SKAP2: variants seen among roughly 807,000 people sequenced by gnomAD.
The protein encoded by SKAP2 is src kinase-associated phosphoprotein 2.
SKAP2 carries 28 observed loss-of-function variants against 54.9 expected under a neutral mutation model. The observed-to-expected ratio is 0.51, with a 90% CI of 0.38 to 0.70. SKAP2 has a LOEUF of 0.70. Ranked by LOEUF, SKAP2 falls within the 30% of genes least tolerant of loss-of-function variation. The pLI is 0.00. For missense variants in SKAP2, 356 were observed against 424.1 expected (o/e 0.84, Z 1.41); for synonymous variants, 137 against 134.3 (o/e 1.02, Z -0.14).
chr7:26,824,920 GT>G (rs764632186), intron 4 of SKAP2, among the ~76,000 whole-genome samples: 4 of 152,066 alleles, frequency 2.6e-5, no homozygotes, highest in Non-Finnish European at 5.9e-5. Context: ...ACCTATGTTG[GT>G]GGATGTTTTC....
At chr7:26,727,550 A>T (rs1432501450) in intron 6 of SKAP2, among the ~76,000 whole-genome samples, 5 of 152,160 alleles carry the variant, frequency 3.3e-5, no homozygotes, top group African/African-American at 1.2e-4. Flanking sequence ...GACGAAAAAG[A>T]TGTGAAGGAA....
At chr7:26,830,865 C>A (rs1046867490) in intron 4 of SKAP2, among the ~76,000 whole-genome samples, 4 of 152,016 alleles carry the variant, frequency 2.6e-5, no homozygotes, top group Non-Finnish European at 2.9e-5. Context: ...TGCCCTAATC[C>A]TCTCTGGGCT....
In SKAP2 at chr7:26,737,491, C is replaced by G. The variant is rs1253997396; in HGVS notation, c.469+1304G>C. ...AACTTCCAGCATTATGTAAGTATTT[C>G]AGACTTATCTGAAATATGACAATCT... On this transcript the variant is annotated intron_variant, in intron 6 of 12. Transcript: ENST00000345317. Among the ~76,000 whole-genome samples the G allele has an allele frequency of 1.6e-4, 25 of 152,120 alleles. 1 individual carries two copies. Among genetic ancestry groups the G allele is most frequent in the Admixed American group, 1.6e-3 (25 of 15,270 alleles).
chr7:26,810,843 G>A (rs1784127549), intron 4 of SKAP2, among the ~76,000 whole-genome samples: 1 of 152,064 alleles, frequency 6.6e-6, no homozygotes, highest in South Asian at 2.1e-4. Context: ...CACCATGCCT[G>A]GCTAATTTTT....
chr7:26,715,217 A>G (rs1787403157), intron 9 of SKAP2, among the ~76,000 whole-genome samples: 1 of 152,054 alleles, frequency 6.6e-6, no homozygotes, highest in African/African-American at 2.4e-5. Context: ...TTTAATATGT[A>G]TTCTATTGGT....
intron 4 of SKAP2, among the ~76,000 whole-genome samples, chr7:26,810,932 G>A (rs568151888): frequency 2.9e-4 from 44 of 152,010 alleles, no homozygotes; most frequent in African/African-American, 1.0e-3. Flanking sequence ...CGCGCACCTC[G>A]GCCTCCCAAA....
At chr7:26,846,006 C>T (rs1784914264) in intron 3 of SKAP2, among the ~76,000 whole-genome samples, 3 of 152,088 alleles carry the variant, frequency 2.0e-5, no homozygotes, top group South Asian at 4.1e-4. Flanking sequence ...TCATAAAGTG[C>T]TAGTAAACAT....
intron 9 of SKAP2, among the ~76,000 whole-genome samples, chr7:26,706,858 T>A (rs1308477606): frequency 6.6e-6 from 1 of 152,234 alleles, no homozygotes; most frequent in Non-Finnish European, 1.5e-5. Context: ...TGCAAATATG[T>A]ATTAGTCTTA....
intron 4 of SKAP2, among the ~76,000 whole-genome samples, chr7:26,796,309 C>T (rs1038926266): frequency 2.7e-5 from 4 of 148,298 alleles, no homozygotes; most frequent in Admixed American, 6.8e-5. Flanking sequence ...TTGAGTGTTA[C>T]GAAAATCTGC....
intron 4 of SKAP2, among the ~76,000 whole-genome samples, chr7:26,762,348 A>T (rs1782951180): frequency 6.6e-6 from 1 of 152,128 alleles, no homozygotes; most frequent in African/African-American, 2.4e-5. Context: ...TCATATGGAA[A>T]TCTTTTTGTT....
At chr7:26,760,766 C>G (rs1379510301) in intron 4 of SKAP2, among the ~76,000 whole-genome samples, 2 of 152,118 alleles carry the variant, frequency 1.3e-5, no homozygotes, top group African/African-American at 4.8e-5. Flanking sequence ...GGTGGAATAT[C>G]AACCAAGCGA....
intron 3 of SKAP2, among the ~76,000 whole-genome samples, chr7:26,851,556 G>A (rs1186894862): frequency 6.6e-6 from 1 of 151,912 alleles, no homozygotes; most frequent in Non-Finnish European, 1.5e-5. Flanking sequence ...TCACACACCG[G>A]TGCCTGTTGA....
At chr7:26,839,274 T>C (rs1428119811) in intron 4 of SKAP2, among the ~76,000 whole-genome samples, 1 of 152,138 alleles carries the variant, frequency 6.6e-6, no homozygotes, top group Non-Finnish European at 1.5e-5. Context: ...ATTAAAAATA[T>C]GTCCTCTACT....
chr7:26,844,138 CTGTT>C lies in SKAP2; in HGVS notation c.200-5_200-2del. 6.4e-7 allele frequency: 1 copy of C among 1,558,488 alleles called. No individual in the cohort carries two copies. Among genetic ancestry groups the C allele is most frequent in the Admixed American group, 1.7e-5 (1 of 57,170 alleles). On this transcript the variant is annotated splice_acceptor_variant and splice_polypyrimidine_tract_variant and intron_variant, in intron 3 of 12. Transcript: ENST00000345317. LOFTEE classifies it high-confidence loss of function. ...TATTCTTCCCCATCTTCTGCATCACCTGTTAAAAAAAAAAAAAATCAGAGAACTG... is the reference window on the plus strand; with the variant it reads ...TATTCTTCCCCATCTTCTGCATCACCAAAAAAAAAAAAAATCAGAGAACTG...
chr7:26,828,670 C>G (rs1280500201), intron 4 of SKAP2, among the ~76,000 whole-genome samples: 29 of 136,814 alleles, frequency 2.1e-4, no homozygotes, highest in Admixed American at 1.1e-3. Flanking sequence ...GAGTGAGACT[C>G]TGTCTCAAAA....
chr7:26,818,931 G>A (rs943384070), intron 4 of SKAP2, among the ~76,000 whole-genome samples: 2 of 152,186 alleles, frequency 1.3e-5, no homozygotes, highest in African/African-American at 4.8e-5. Context: ...GACAGATGCT[G>A]GAGAGGATAT....
intron 1 of SKAP2, chr7:26,857,316 A>AAAAAAAAAAAAAAAAAAAAAAC (rs1164870236): frequency 4.6e-6 from 1 of 219,610 alleles, no homozygotes; most frequent in Non-Finnish European, 7.5e-6. Flanking sequence ...TGCTTAAAAA[A>AAAAAAAAAAAAAAAAAAAAAAC]AAAAAAAAAA....
At chr7:26,791,065 T>G (rs981845638) in intron 4 of SKAP2, among the ~76,000 whole-genome samples, 3 of 152,052 alleles carry the variant, frequency 2.0e-5, no homozygotes, top group Admixed American at 2.0e-4. Flanking sequence ...AAATCCAGGA[T>G]GTACAGTTGC....
intron 4 of SKAP2, among the ~76,000 whole-genome samples, chr7:26,820,947 T>C (rs1435677049): frequency 6.6e-6 from 1 of 152,158 alleles, no homozygotes; most frequent in Non-Finnish European, 1.5e-5. Flanking sequence ...TGAAATACTA[T>C]TAATTATCCC....
Sources: allele counts gnomAD v4.1 joint callset (sites outside exome capture counted in the v4.1 genomes callset), GRCh38; gene constraint gnomAD v4.1.1; transcripts MANE v1.5; gene names NCBI Gene and HGNC (gene_info 2026-07-23, HGNC 2026-07-21).